CLASP2: variants seen among roughly 807,000 people sequenced by gnomAD.
CLASP2 encodes cytoplasmic linker associated protein 2, also known as CLIP-associating protein 2.
CLASP2 carries 47 observed loss-of-function variants against 194.4 expected under a neutral mutation model. That is an observed-to-expected ratio of 0.24 (90% confidence interval 0.19 to 0.31). The LOEUF (loss-of-function observed/expected upper bound fraction) is 0.31, where lower values mean the gene tolerates loss of function less well. Among genes scored for constraint, CLASP2 ranks in the 10% least tolerant of loss-of-function variants. The pLI, the probability that CLASP2 is intolerant of heterozygous loss-of-function variation, is 1.00. For synonymous variants in CLASP2, 619 were observed against 633.5 expected (o/e 0.98, Z 0.34); for missense variants, 1,445 against 1,823.6 (o/e 0.79, Z 3.78).
intron 6 of CLASP2, among the ~76,000 whole-genome samples, chr3:33,668,421 C>A (rs1037625846): frequency 2.0e-5 from 3 of 152,068 alleles, no homozygotes; most frequent in Non-Finnish European, 2.9e-5. Flanking sequence ...ACTATGCCTT[C>A]TAAACATTAA....
intron 23 of CLASP2, 24 bp from the exon 24 acceptor site, chr3:33,576,299 T>G (rs756014288): frequency 2.5e-6 from 4 of 1,579,816 alleles, no homozygotes; most frequent in Non-Finnish European, 3.5e-6. Flanking sequence ...AGAAGGAAAA[T>G]AGATTTGAAG....
chr3:33,501,405 G>A (rs189048424), intron 38 of CLASP2, among the ~76,000 whole-genome samples: 86 of 152,242 alleles, frequency 5.6e-4, no homozygotes, highest in Middle Eastern at 3.4e-3. Flanking sequence ...ACCAGAAGCT[G>A]CAGGCATTTT....
At chr3:33,591,019 A>C (rs1576881948) in intron 21 of CLASP2, among the ~76,000 whole-genome samples, 1 of 151,188 alleles carries the variant, frequency 6.6e-6, no homozygotes, top group Non-Finnish European at 1.5e-5. Flanking sequence ...CACCTCTATA[A>C]AAAAAAATTA....
chr3:33,501,826 T>C (rs2046916349), intron 37 of CLASP2, 58 bp from the exon 38 acceptor site: 1 of 1,030,886 alleles, frequency 9.7e-7, no homozygotes, highest in African/African-American at 1.6e-5. Flanking sequence ...GTACTCCCTT[T>C]TTAACAGGGT....
chr3:33,667,005 T>C (rs968007445), intron 6 of CLASP2, among the ~76,000 whole-genome samples: 3 of 152,242 alleles, frequency 2.0e-5, no homozygotes, highest in Non-Finnish European at 4.4e-5. Context: ...CATCTGTATA[T>C]TCTTTTTGAA....
chr3:33,639,941 GAT>G (rs1487572706), intron 8 of CLASP2, among the ~76,000 whole-genome samples: 1 of 152,210 alleles, frequency 6.6e-6, no homozygotes, highest in Non-Finnish European at 1.5e-5. Context: ...CATCTCATTA[GAT>G]GGTTACTAAT....
At chr3:33,516,513 C>T (rs1245419827) in intron 35 of CLASP2, among the ~76,000 whole-genome samples, 1 of 151,852 alleles carries the variant, frequency 6.6e-6, no homozygotes, top group Admixed American at 6.6e-5. Flanking sequence ...ACCAAAAACA[C>T]AAAATTAGCC....
chr3:33,654,164 A>C (rs944427787), intron 7 of CLASP2, among the ~76,000 whole-genome samples: 2 of 152,204 alleles, frequency 1.3e-5, no homozygotes, highest in African/African-American at 4.8e-5. Flanking sequence ...CAGAGAAGTG[A>C]CTATTTCTAA....
At chr3:33,656,527 G>A (rs2084248093) in intron 7 of CLASP2, among the ~76,000 whole-genome samples, 1 of 152,132 alleles carries the variant, frequency 6.6e-6, no homozygotes, top group South Asian at 2.1e-4. Context: ...CTACTGGTGG[G>A]AGTGTATGTG....
At chr3:33,705,067 A>C (rs2154354710) in intron 1 of CLASP2, among the ~76,000 whole-genome samples, 1 of 152,266 alleles carries the variant, frequency 6.6e-6, no homozygotes, top group Middle Eastern at 3.4e-3. Flanking sequence ...GAAGTGACTC[A>C]AACAGATACA....
intron 15 of CLASP2, 98 bp downstream of exon 15, chr3:33,607,285 CA>C (rs2074079685): frequency 1.3e-6 from 1 of 751,912 alleles, no homozygotes; most frequent in Admixed American, 3.5e-5. Context: ...GAGGGCTAGT[CA>C]AGTAAAATAC....
chr3:33,510,689 A>G lies in CLASP2; in HGVS notation c.4186T>C (p.Cys1396Arg). 1 of 1,613,748 alleles carries G rather than the reference A, an allele frequency of 6.2e-7. No individual in the cohort carries two copies. The highest frequency in any genetic ancestry group is 2.2e-5 in the East Asian group (1 of 44,874). ...ISPEQCIKVL[C>R]PIIQTADYPI... ...TAGTCTGCAGTTTGAATGATAGGAC[A>G]AAGCACTTTGATGCACTGCTCTGGA... is the stretch of plus-strand genomic sequence containing the variant. The change falls in exon 37 of 39, where the codon TGT (cysteine) becomes CGT (arginine). Residue 1396 changes from cysteine to arginine, a missense_variant. Cys to Arg is a radical substitution (Grantham distance 180). Coordinates refer to ENST00000682230, the MANE Select transcript of CLASP2 (RefSeq NM_001365631.1).
At chr3:33,609,949 G>A (rs2074764540) in intron 13 of CLASP2, among the ~76,000 whole-genome samples, 3 of 152,152 alleles carry the variant, frequency 2.0e-5, no homozygotes, top group Non-Finnish European at 4.4e-5. Context: ...CTTAAACCTT[G>A]GCATTCTGAC....
At chr3:33,662,305 G>A (rs1248860595) in intron 7 of CLASP2, among the ~76,000 whole-genome samples, 2 of 152,054 alleles carry the variant, frequency 1.3e-5, no homozygotes, top group Non-Finnish European at 2.9e-5. Context: ...ATACACAAAC[G>A]ATCATGTTAT....
At chr3:33,693,432 T>C (rs997596110) in intron 2 of CLASP2, among the ~76,000 whole-genome samples, 10 of 152,302 alleles carry the variant, frequency 6.6e-5, no homozygotes, top group African/African-American at 2.2e-4. Flanking sequence ...ATTCAACTCC[T>C]TCCTTTTACA....
Position 33,498,532 on chromosome 3 carries a change from G to C in CLASP2, c.*99C>G. 2 of 728,282 alleles carry C rather than the reference G, an allele frequency of 2.7e-6. No individual in the cohort carries two copies. Among genetic ancestry groups the C allele is most frequent in the South Asian group, 4.0e-5 (2 of 50,036 alleles). The allele number at this position is 728,282 out of a possible 1,614,324, so 45.1% of individuals were successfully genotyped here. On this transcript the variant is annotated 3_prime_UTR_variant, in exon 39 of 39. Transcript: ENST00000682230. ...AAAAAACTAAAACTGGGAAACAATA[G>C]TAAGTTCCAAAGGATGTGTTTGAGA... is the stretch of plus-strand genomic sequence containing the variant.
intron 29 of CLASP2, 62 bp from the exon 30 acceptor site, chr3:33,551,457 A>T: frequency 6.7e-7 from 1 of 1,482,784 alleles, no homozygotes; most frequent in Non-Finnish European, 9.2e-7. Context: ...ACTAGAGAAC[A>T]TTTCAAAAAT....
At chr3:33,699,290 A>G (rs1265214039) in intron 1 of CLASP2, among the ~76,000 whole-genome samples, 2 of 152,334 alleles carry the variant, frequency 1.3e-5, no homozygotes, top group East Asian at 3.9e-4. Flanking sequence ...AGAGAGAACA[A>G]GGTAGAAGAA....
chr3:33,521,559 A>G (rs979189749), intron 34 of CLASP2, among the ~76,000 whole-genome samples: 1 of 152,242 alleles, frequency 6.6e-6, no homozygotes, highest in African/African-American at 2.4e-5. Flanking sequence ...AATAACTTCA[A>G]AAGTGTCATG....
Sources: gnomAD v4.1 joint callset for allele counts (sites outside exome capture counted in the v4.1 genomes callset) on GRCh38, gnomAD v4.1.1 for gene constraint, MANE v1.5 for transcripts, NCBI Gene and HGNC (gene_info 2026-07-23, HGNC 2026-07-21) for gene names.